The following VRTN variants were observed in gnomAD, a reference collection of about 807,000 sequenced individuals.
VRTN encodes vertebrae development associated, also known as vertnin.
VRTN carries 5 observed loss-of-function variants against 18.2 expected under a neutral mutation model. The observed-to-expected ratio is 0.27, with a 90% CI of 0.14 to 0.58. The LOEUF (loss-of-function observed/expected upper bound fraction) is 0.58. Among genes scored for constraint, VRTN ranks in the 20% least tolerant of loss-of-function variants. The pLI is 0.91. For missense variants in VRTN, 741 were observed against 939.4 expected (o/e 0.79, Z 2.76); for synonymous variants, 381 against 393.7 (o/e 0.97, Z 0.38).
intron 1 of VRTN, among the ~76,000 whole-genome samples, chr14:74,354,868 G>A (rs959123440): frequency 7.9e-5 from 12 of 151,910 alleles, no homozygotes; most frequent in Non-Finnish European, 7.4e-5. Flanking sequence ...AGGGCTGGGC[G>A]TGACGGCTCA....
rs746322979 is a variant in VRTN at position 74,357,967 on chromosome 14, C to T, written c.1184C>T (p.Ser395Leu). 17 of 1,614,088 alleles carry T rather than the reference C, an allele frequency of 1.1e-5. No individual in the cohort carries two copies. In the South Asian group the frequency reaches 1.6e-4, roughly 16 times the overall value. ...EELECSALAVSSPGMVLMQRA... is the reference protein window; with the variant it reads ...EELECSALAVLSPGMVLMQRA... ...CTGGAGTGCTCCGCACTGGCGGTGT[C>T]AAGCCCTGGAATGGTCTTAATGCAG... The change falls in exon 2 of 2, where the codon TCA (serine) becomes TTA (leucine). Residue 395 changes from serine to leucine, a missense_variant. This residue lies in a region of VRTN where 494 missense variants were observed against 546.5 expected (regional missense o/e 0.90). Coordinates refer to ENST00000256362, the MANE Select transcript of VRTN (RefSeq NM_018228.3). This position sits in a 1 kb window ranked among gnomAD's most constrained non-coding sequence, Gnocchi z 7.8.
rs374397954 is a variant in VRTN at position 74,357,050 on chromosome 14, G to C, written c.267G>C (p.Ala89=). Residue 89 remains alanine, a synonymous_variant, in exon 2 of 2, where the codon GCG becomes GCC. Coordinates refer to ENST00000256362, the MANE Select transcript of VRTN (RefSeq NM_018228.3). The surrounding 1 kb of genome is among the most constrained non-coding windows in gnomAD (Gnocchi z 7.8). ...GGGAGGGCAGCCTGCTGTTCGAGGC[G>C]GCCAGCATGCTGCTGTGGGGTGACG... The part of the protein sequence containing the change: ...CKGEGSLLFE[A]ASMLLWGDAG... The C allele has an allele frequency of 1.2e-6, 2 of 1,609,318 alleles. No individual in the cohort carries two copies. The highest frequency in any genetic ancestry group is 1.7e-5 in the Admixed American group (1 of 59,904).
At chr14:74,354,367 T>C (rs1453583806) in intron 1 of VRTN, among the ~76,000 whole-genome samples, 1 of 152,076 alleles carries the variant, frequency 6.6e-6, no homozygotes, top group Non-Finnish European at 1.5e-5. Flanking sequence ...TTTGAAACCA[T>C]ATCCATGAAC....
chr14:74,344,750 A>AAAAAAAAAAAAAAAAAAAAAAAAAAGT (rs1410658975), upstream of VRTN, among the ~76,000 whole-genome samples: 1 of 128,058 alleles, frequency 7.8e-6, no homozygotes, highest in African/African-American at 3.1e-5. Context: ...AAAAAAAATG[A>AAAAAAAAAAAAAAAAAAAAAAAAAAGT]AAAAAAGAAA....
intron 1 of VRTN, among the ~76,000 whole-genome samples, chr14:74,351,394 T>C (rs2085682534): frequency 6.6e-6 from 1 of 151,358 alleles, no homozygotes; most frequent in African/African-American, 2.4e-5. Context: ...ATGGTACAAA[T>C]AGAAATATGG....
intron 1 of VRTN, among the ~76,000 whole-genome samples, chr14:74,331,742 G>A (rs75239929): frequency 6.3e-5 from 5 of 79,758 alleles, no homozygotes; most frequent in African/African-American, 5.9e-4. Context: ...TGTGTAAGAC[G>A]TGAAATCTTC....
intron 2 of VRTN, chr14:74,337,890 T>C (rs1006710580): frequency 2.0e-5 from 3 of 152,132 alleles, no homozygotes; most frequent in African/African-American, 7.2e-5. Flanking sequence ...TGCAGGTAAG[T>C]GTCCTTCCCC....
At position 74,357,990 on chromosome 14, in the gene VRTN, C is replaced by G. The variant is rs1214290669; in HGVS notation, c.1207C>G (p.Gln403Glu). 2 of 1,614,112 alleles carry G rather than the reference C, an allele frequency of 1.2e-6. No individual in the cohort carries two copies. The highest frequency in any genetic ancestry group is 1.7e-6 in the Non-Finnish European group (2 of 1,180,032). ...GTCAAGCCCTGGAATGGTCTTAATG[C>G]AGCGGGCCAAGTTGTACCTGGAGCA... ...AVSSPGMVLM[Q>E]RAKLYLEHCI... The change falls in exon 2 of 2, where the codon CAG (glutamine) becomes GAG (glutamate). Residue 403 changes from glutamine (Q) to glutamate (E), a missense_variant. Gln to Glu is a conservative substitution (Grantham distance 29, BLOSUM62 2). Coordinates refer to ENST00000256362, the MANE Select transcript of VRTN (RefSeq NM_018228.3). This position sits in a 1 kb window ranked among gnomAD's most constrained non-coding sequence, Gnocchi z 7.8.
At chr14:74,339,768 T>G (rs2085588575) in intron 2 of VRTN, among the ~76,000 whole-genome samples, 1 of 152,160 alleles carries the variant, frequency 6.6e-6, no homozygotes. Context: ...GAGCTGTGAT[T>G]GCACCACTGA....
intron 1 of VRTN, among the ~76,000 whole-genome samples, chr14:74,333,304 ACC>A (rs1353868347): frequency 6.6e-6 from 1 of 151,918 alleles, no homozygotes; most frequent in Non-Finnish European, 1.5e-5. Context: ...AACTGCTTGA[ACC>A]CAGAAGGCGG....
At chr14:74,313,216 C>T (rs571236883) in intron 1 of VRTN, among the ~76,000 whole-genome samples, 2 of 152,284 alleles carry the variant, frequency 1.3e-5, no homozygotes, top group East Asian at 1.9e-4. Context: ...CCTAGTCAAC[C>T]TCCAATACCC....
At chr14:74,344,733 T>TAAAAAAAAAAAAAAAAAAAA (rs60479764), upstream of VRTN, among the ~76,000 whole-genome samples, 2 of 54,044 alleles carry the variant, frequency 3.7e-5, no homozygotes, top group Admixed American at 2.4e-4. Flanking sequence ...AGACTCTGAC[T>TAAAAAAAAAAAAAAAAAAAA]AAAAAAAAAA....
chr14:74,309,626 G>A (rs2085375475), intron 1 of VRTN, among the ~76,000 whole-genome samples: 1 of 152,152 alleles, frequency 6.6e-6, no homozygotes, highest in Admixed American at 6.6e-5. Context: ...GAGCCCAGGA[G>A]TTAGAGGCTG....
chr14:74,317,155 C>T (rs1014017484), intron 1 of VRTN, among the ~76,000 whole-genome samples: 1 of 152,102 alleles, frequency 6.6e-6, no homozygotes. Context: ...AAGGATCACC[C>T]TGGATGCTGC....
chr14:74,340,216 G>T (rs541233272), intron 2 of VRTN, among the ~76,000 whole-genome samples: 5 of 151,416 alleles, frequency 3.3e-5, no homozygotes, highest in Admixed American at 1.3e-4. Context: ...AGGTTCAAGC[G>T]ATTCTCCTAC....
intron 1 of VRTN, among the ~76,000 whole-genome samples, chr14:74,312,824 C>A (rs2085397136): frequency 1.4e-5 from 2 of 145,194 alleles, no homozygotes; most frequent in Non-Finnish European, 3.0e-5. Flanking sequence ...CTCACTGCAA[C>A]CTTCGCCTCC....
intron 1 of VRTN, among the ~76,000 whole-genome samples, chr14:74,350,343 T>C (rs1202251559): frequency 1.3e-5 from 2 of 151,772 alleles, no homozygotes; most frequent in Non-Finnish European, 2.9e-5. Context: ...AGGAATGAAA[T>C]TGGGTGGAGC....
At chr14:74,324,647 G>A (rs905583325) in intron 1 of VRTN, among the ~76,000 whole-genome samples, 51 of 151,778 alleles carry the variant, frequency 3.4e-4, no homozygotes, top group Non-Finnish European at 5.4e-4. Flanking sequence ...CAGCACTTTG[G>A]GAGGCCGAGG....
chr14:74,358,585 G>A lies in VRTN; in HGVS notation c.1802G>A (p.Gly601Glu), dbSNP rs780708076. The change falls in exon 2 of 2, where the codon GGA (glycine) becomes GAA (glutamate). Residue 601 changes from glycine (G) to glutamate (E), a missense_variant. By Grantham distance (98) the Gly-to-Glu change is moderately conservative (BLOSUM62 -2). This residue lies in a region of VRTN where 494 missense variants were observed against 546.5 expected (regional missense o/e 0.90). Coordinates refer to ENST00000256362, the MANE Select transcript of VRTN (RefSeq NM_018228.3). The surrounding 1 kb of genome is among the most constrained non-coding windows in gnomAD (Gnocchi z 5.4). ...PVGASSEDVE[G>E]GPSREGALQE... ...GGGGCTTCTTCAGAAGATGTAGAGG[G>A]AGGGCCTTCCAGAGAGGGGGCCCTG... 9 of 1,602,776 alleles carry A rather than the reference G, an allele frequency of 5.6e-6. No individual in the cohort carries two copies. The highest frequency in any genetic ancestry group is 3.4e-5 in the South Asian group (3 of 89,420).
Sources: gnomAD v4.1 joint callset for allele counts (sites outside exome capture counted in the v4.1 genomes callset) on GRCh38, gnomAD v4.1.1 for gene constraint, gnomAD v4.1.1 regional missense constraint, Gnocchi (gnomAD v3.1) non-coding constraint, MANE v1.5 for transcripts, NCBI Gene and HGNC (gene_info 2026-07-23, HGNC 2026-07-21) for gene names.